SOX5: variants seen among roughly 807,000 people sequenced by gnomAD.
SOX5 encodes the protein SRY-box transcription factor 5.
Under a neutral mutation model 92.0 loss-of-function variants are expected in SOX5, and 9 were observed. That is an observed-to-expected ratio of 0.10 (90% CI 0.06 to 0.17). The LOEUF (loss-of-function observed/expected upper bound fraction) is 0.17. SOX5 is among the 10% of genes least tolerant of loss of function. The pLI, the probability that SOX5 is intolerant of heterozygous loss-of-function variation, is 1.00. For synonymous variants in SOX5, 344 were observed against 336.3 expected, an observed-to-expected ratio of 1.02 and a Z score of -0.25; for missense variants, 642 against 944.5, an observed-to-expected ratio of 0.68 and a Z score of 4.20.
intron 3 of SOX5, among the ~76,000 whole-genome samples, chr12:23,818,316 T>C (rs928648736): frequency 1.3e-5 from 2 of 152,214 alleles, no homozygotes; most frequent in Non-Finnish European, 2.9e-5. Flanking sequence ...AGCTTGTTAC[T>C]GTGCTGAATA....
intron 6 of SOX5, among the ~76,000 whole-genome samples, chr12:23,733,225 AG>A (rs1192510245): frequency 6.6e-6 from 1 of 152,208 alleles, no homozygotes; most frequent in African/African-American, 2.4e-5. Flanking sequence ...GTCAAATTGC[AG>A]TAAAATCAAG....
intron 3 of SOX5, among the ~76,000 whole-genome samples, chr12:23,800,562 A>C (rs532627506): frequency 1.3e-5 from 2 of 152,282 alleles, no homozygotes; most frequent in Admixed American, 6.5e-5. Context: ...AATTTAAAAA[A>C]AAAACAACTT....
At chr12:23,961,539 C>T (rs1946931641) in intron 4 of SOX5, among the ~76,000 whole-genome samples, 1 of 152,080 alleles carries the variant, frequency 6.6e-6, no homozygotes, top group African/African-American at 2.4e-5. Flanking sequence ...CTTCCCTTCT[C>T]CCAATTTATA....
intron 3 of SOX5, among the ~76,000 whole-genome samples, chr12:24,252,680 T>C (rs1268472996): frequency 6.7e-6 from 1 of 148,932 alleles, no homozygotes; most frequent in African/African-American, 2.5e-5. Context: ...GAATTCTGTG[T>C]CTATGCTTTA....
intron 1 of SOX5, among the ~76,000 whole-genome samples, chr12:23,941,072 G>T (rs1331798946): frequency 1.3e-5 from 2 of 151,416 alleles, no homozygotes; most frequent in Admixed American, 6.6e-5. Flanking sequence ...TTCCTTTCAA[G>T]ATTTTTTGAA....
intron 2 of SOX5, among the ~76,000 whole-genome samples, chr12:23,858,170 G>A (rs1429195767): frequency 6.6e-6 from 1 of 151,590 alleles, no homozygotes; most frequent in Non-Finnish European, 1.5e-5. Context: ...TTTCCTATGA[G>A]AAGCGCTAAA....
At chr12:24,553,137 C>G (rs7300124) in intron 1 of SOX5, among the ~76,000 whole-genome samples, 83,878 of 152,112 alleles carry the variant, frequency 0.55, 25,705 homozygotes, top group East Asian at 0.91. Flanking sequence ...CTCGTGATAG[C>G]CAGGTATTGT....
chr12:23,788,900 T>C (rs2095424801), intron 3 of SOX5, among the ~76,000 whole-genome samples: 1 of 152,018 alleles, frequency 6.6e-6, no homozygotes, highest in South Asian at 2.1e-4. Flanking sequence ...AATTATACTG[T>C]TTCTGTGTTT....
At chr12:23,795,024 T>A (rs1400423422) in intron 3 of SOX5, among the ~76,000 whole-genome samples, 1 of 152,108 alleles carries the variant, frequency 6.6e-6, no homozygotes, top group African/African-American at 2.4e-5. Context: ...TGGAATAACA[T>A]CCAGTGGCTA....
At chr12:24,289,550 T>C (rs1595220607) in intron 2 of SOX5, among the ~76,000 whole-genome samples, 1 of 120,636 alleles carries the variant, frequency 8.3e-6, no homozygotes, top group African/African-American at 4.5e-5. Flanking sequence ...GCCTCCCGGG[T>C]TCACGCCATT....
At chr12:23,593,382 T>C (rs1042431759) in intron 9 of SOX5, among the ~76,000 whole-genome samples, 5 of 152,186 alleles carry the variant, frequency 3.3e-5, no homozygotes, top group Non-Finnish European at 7.4e-5. Context: ...AGCTGAGTGT[T>C]AGCAGTAATG....
At position 23,640,775 on chromosome 12, in the gene SOX5, T is replaced by A. The variant is rs144598108; in HGVS notation, c.1017+37A>T. The A allele has an allele frequency of 2.0e-5, 29 of 1,477,778 alleles. No individual in the cohort carries two copies. In the African/African-American group the frequency reaches 3.3e-4, roughly 17 times the overall value. The allele number at this position is 1,477,778 out of a possible 1,614,324, so 91.5% of individuals were successfully genotyped here. ...CATAATAGCTGTTTTCGATATTTACTTAACCTTTGTCTCCTCTGTATTGTT... is the reference window on the plus strand; with the variant it reads ...CATAATAGCTGTTTTCGATATTTACATAACCTTTGTCTCCTCTGTATTGTT... On this transcript the variant is annotated intron_variant, in intron 8 of 14. Transcript: ENST00000451604.
intron 1 of SOX5, among the ~76,000 whole-genome samples, chr12:24,424,557 C>T (rs9651822): frequency 5.3e-5 from 8 of 152,204 alleles, no homozygotes; most frequent in Middle Eastern, 6.8e-3. Flanking sequence ...GTCTTCCCCC[C>T]ACCCCCCAAG....
chr12:23,712,571 T>C (rs1351355789), intron 6 of SOX5, among the ~76,000 whole-genome samples: 2 of 152,208 alleles, frequency 1.3e-5, no homozygotes, highest in African/African-American at 4.8e-5. Context: ...AGCTAGAATT[T>C]ACAAATGAAG....
intron 9 of SOX5, among the ~76,000 whole-genome samples, chr12:23,593,895 C>T (rs1951945098): frequency 6.6e-6 from 1 of 151,726 alleles, no homozygotes; most frequent in Non-Finnish European, 1.5e-5. Context: ...GGGATTTAAA[C>T]ATATATGAAA....
At chr12:24,106,370 A>C (rs1253536274) in intron 4 of SOX5, among the ~76,000 whole-genome samples, 1 of 152,220 alleles carries the variant, frequency 6.6e-6, no homozygotes, top group Admixed American at 6.5e-5. Context: ...ACAAAACATT[A>C]TTCTATTGGG....
At chr12:24,456,302 G>C (rs1168003517) in intron 1 of SOX5, among the ~76,000 whole-genome samples, 1 of 152,116 alleles carries the variant, frequency 6.6e-6, no homozygotes, top group African/African-American at 2.4e-5. Context: ...TATTAGAAAT[G>C]GTTTTCTTCA....
Position 24,261,235 on chromosome 12 carries a change from C to A in SOX5, c.-77+15981G>T, listed in dbSNP as rs141443876. Among the ~76,000 whole-genome samples, 5 of 152,178 alleles carry A rather than the reference C, an allele frequency of 3.3e-5. No individual in the cohort carries two copies. In the South Asian group the frequency reaches 1.0e-3, roughly 32 times the overall value. ...TCTCTTTTCATACTTTCATTATTCA[C>A]CCTTTGTAGTACTCCAGTCAATGTG... is the stretch of plus-strand genomic sequence containing the variant. On this transcript the variant is annotated intron_variant, in intron 3 of 4. Transcript: ENST00000446891.
intron 1 of SOX5, among the ~76,000 whole-genome samples, chr12:24,484,721 C>G (rs1287441492): frequency 1.3e-5 from 2 of 152,168 alleles, no homozygotes; most frequent in African/African-American, 2.4e-5. Flanking sequence ...AAAATCGTGT[C>G]AAAAACATTT....
Sources: allele counts gnomAD v4.1 joint callset (sites outside exome capture counted in the v4.1 genomes callset), GRCh38; gene constraint gnomAD v4.1.1; transcripts MANE v1.5; gene names NCBI Gene and HGNC (gene_info 2026-07-23, HGNC 2026-07-21).